Variants in LARGE1 observed in about 807,000 individuals in gnomAD.
LARGE1 encodes LARGE xylosyl- and glucuronyltransferase 1, also known as xylosyl- and glucuronyltransferase LARGE1.
LARGE1 carries 43 observed loss-of-function variants against 87.6 expected under a neutral mutation model. That is an observed-to-expected ratio of 0.49 (90% CI 0.38 to 0.63). LARGE1 has a LOEUF of 0.63. Ranked by LOEUF, LARGE1 falls within the 30% of genes least tolerant of loss-of-function variation. LARGE1 has a pLI of 0.00. For missense variants in LARGE1, 802 were observed against 1,000.2 expected (o/e 0.80, Z 2.67); for synonymous variants, 434 against 394.6 (o/e 1.10, Z -1.18).
At chr22:33,438,228 G>A (rs1320377424) in intron 6 of LARGE1, among the ~76,000 whole-genome samples, 2 of 152,116 alleles carry the variant, frequency 1.3e-5, no homozygotes, top group Non-Finnish European at 2.9e-5. Flanking sequence ...CGTGTGAAGA[G>A]GTAAAATCCC....
At chr22:33,212,833 C>T (rs373497766) in intron 11 of LARGE1, among the ~76,000 whole-genome samples, 15 of 152,048 alleles carry the variant, frequency 9.9e-5, no homozygotes, top group Non-Finnish European at 1.3e-4. Flanking sequence ...CTGGTTAACA[C>T]GGTGAAACCC....
chr22:33,408,830 T>C (rs1390702069), intron 7 of LARGE1, among the ~76,000 whole-genome samples: 1 of 152,020 alleles, frequency 6.6e-6, no homozygotes, highest in Admixed American at 6.6e-5. Context: ...TTAAATAGAC[T>C]TCGAAAAGGG....
chr22:33,787,389 G>C (rs549302985), intron 1 of LARGE1, among the ~76,000 whole-genome samples: 9 of 152,258 alleles, frequency 5.9e-5, no homozygotes, highest in Admixed American at 5.2e-4. Context: ...ATCTTCATGG[G>C]TGATATCTCA....
At chr22:33,578,630 T>A (rs2078422549) in intron 5 of LARGE1, among the ~76,000 whole-genome samples, 1 of 152,222 alleles carries the variant, frequency 6.6e-6, no homozygotes, top group Non-Finnish European at 1.5e-5. Flanking sequence ...GATGTAGACA[T>A]CAAGGAAATC....
At chr22:33,085,150 C>T in the LARGE1 span, among the ~76,000 whole-genome samples, 1 of 152,322 alleles carries the variant, frequency 6.6e-6, no homozygotes, top group Non-Finnish European at 1.5e-5. Flanking sequence ...GTGGCGGGCA[C>T]CTGTAGTCCC....
intron 1 of LARGE1, among the ~76,000 whole-genome samples, chr22:33,827,260 C>A (rs1435285150): frequency 6.6e-6 from 1 of 151,812 alleles, no homozygotes; most frequent in Admixed American, 6.6e-5. Context: ...ATCCCAGCTA[C>A]TCGGGAGGCC....
At chr22:33,306,832 C>A (rs1199601598) in intron 11 of LARGE1, among the ~76,000 whole-genome samples, 1 of 149,740 alleles carries the variant, frequency 6.7e-6, no homozygotes, top group African/African-American at 2.5e-5. Context: ...TGAGATCGCA[C>A]CATTGCACTC....
At chr22:33,080,774 C>A in the LARGE1 span, among the ~76,000 whole-genome samples, 1 of 152,194 alleles carries the variant, frequency 6.6e-6, no homozygotes, top group Admixed American at 6.5e-5. Context: ...AGGCAGTTAG[C>A]TCCAGAGAAT....
At chr22:33,116,755 A>T in the LARGE1 span, among the ~76,000 whole-genome samples, 11 of 152,140 alleles carry the variant, frequency 7.2e-5, no homozygotes, top group African/African-American at 2.7e-4. Flanking sequence ...GATTTTTAGC[A>T]CGCTGTGAGG....
chr22:33,717,489 C>T (rs909510835), intron 2 of LARGE1, among the ~76,000 whole-genome samples: 5 of 152,202 alleles, frequency 3.3e-5, no homozygotes, highest in Non-Finnish European at 7.3e-5. Flanking sequence ...TCCTCATCTA[C>T]TCAGTATTTC....
intron 5 of LARGE1, among the ~76,000 whole-genome samples, chr22:33,567,535 G>T (rs541932790): frequency 1.3e-5 from 2 of 152,124 alleles, no homozygotes; most frequent in Admixed American, 6.5e-5. Context: ...TCACTTAATC[G>T]CCATGTCACC....
chr22:33,703,814 C>T (rs532144053), intron 2 of LARGE1, among the ~76,000 whole-genome samples: 12 of 152,240 alleles, frequency 7.9e-5, no homozygotes, highest in South Asian at 4.1e-4. Context: ...ACCTTCAGAA[C>T]GATAAAAGAG....
chr22:33,776,428 G>A (rs388536), intron 1 of LARGE1, among the ~76,000 whole-genome samples: 151,397 of 152,322 alleles, frequency 0.99, 75,240 homozygotes, highest in Middle Eastern at 1. Flanking sequence ...TGCCAAAGAG[G>A]TCTTTAACGC....
intron 2 of LARGE1, among the ~76,000 whole-genome samples, chr22:33,653,832 C>T (rs993664342): frequency 6.6e-6 from 1 of 152,106 alleles, no homozygotes; most frequent in African/African-American, 2.4e-5. Context: ...ACCTTGGCTT[C>T]CTTTGAGATA....
At chr22:33,364,759 C>T (rs2064523645) in intron 9 of LARGE1, among the ~76,000 whole-genome samples, 1 of 152,170 alleles carries the variant, frequency 6.6e-6, no homozygotes. Context: ...TGCAGTGGCA[C>T]AATCACAGGT....
intron 5 of LARGE1, among the ~76,000 whole-genome samples, chr22:33,567,967 A>T (rs556720736): frequency 5.3e-5 from 8 of 152,348 alleles, no homozygotes; most frequent in African/African-American, 1.7e-4. Flanking sequence ...GGGTGGAAAC[A>T]GCACACTCTC....
At chr22:33,612,739 T>G (rs1204704675) in intron 4 of LARGE1, among the ~76,000 whole-genome samples, 2 of 152,194 alleles carry the variant, frequency 1.3e-5, no homozygotes, top group African/African-American at 2.4e-5. Context: ...TCCTAGGAAC[T>G]GCAAACTTCA....
At chr22:33,674,441 G>A (rs1463422673) in intron 2 of LARGE1, among the ~76,000 whole-genome samples, 1 of 152,144 alleles carries the variant, frequency 6.6e-6, no homozygotes, top group Non-Finnish European at 1.5e-5. Flanking sequence ...TGCACAGCGG[G>A]AGCTGTTCAA....
At chr22:33,067,088 G>A in the LARGE1 span, among the ~76,000 whole-genome samples, 1 of 151,930 alleles carries the variant, frequency 6.6e-6, no homozygotes, top group African/African-American at 2.4e-5. Flanking sequence ...TACACTGGGA[G>A]AGGGGCTCCC....
Sources: allele counts gnomAD v4.1 joint callset (sites outside exome capture counted in the v4.1 genomes callset), GRCh38; gene constraint gnomAD v4.1.1; transcripts MANE v1.5; gene names NCBI Gene and HGNC (gene_info 2026-07-23, HGNC 2026-07-21).